Variants in SDK1 observed in about 807,000 individuals in gnomAD.
The protein encoded by SDK1 is sidekick cell adhesion molecule 1, also known as protein sidekick-1.
In SDK1, 157 loss-of-function variants were observed where a neutral mutation model predicts 245.5. The ratio of observed to expected loss-of-function variants is 0.64; its 90% CI spans 0.56 to 0.73. The LOEUF is 0.73. Ranked by LOEUF, SDK1 falls within the 30% of genes least tolerant of loss-of-function variation. The pLI, the probability that SDK1 is intolerant of heterozygous loss-of-function variation, is 0.00. For synonymous variants in SDK1, 1,647 were observed against 1,278.5 expected (o/e 1.29, Z -6.15); for missense variants, 3,583 against 3,002.3 (o/e 1.19, Z -4.52).
At chr7:4,247,010 G>C (rs1201383433) in intron 44 of SDK1, among the ~76,000 whole-genome samples, 1 of 152,202 alleles carries the variant, frequency 6.6e-6, no homozygotes, top group Non-Finnish European at 1.5e-5. Flanking sequence ...AGCAGAAGCA[G>C]CAATTGGAGA....
chr7:4,139,381 A>G (rs2128203825), intron 28 of SDK1, among the ~76,000 whole-genome samples: 1 of 149,970 alleles, frequency 6.7e-6, no homozygotes, highest in Non-Finnish European at 1.5e-5. Context: ...GTGTGTATAT[A>G]TGTACGTGTG....
intron 1 of SDK1, among the ~76,000 whole-genome samples, chr7:3,603,506 T>C (rs939085905): frequency 6.6e-6 from 1 of 151,830 alleles, no homozygotes; most frequent in African/African-American, 2.4e-5. Context: ...TGTATAAGAA[T>C]GCTTGTGATT....
chr7:4,107,944 A>G (rs1783052289), intron 22 of SDK1, among the ~76,000 whole-genome samples: 1 of 152,112 alleles, frequency 6.6e-6, no homozygotes, highest in Admixed American at 6.5e-5. Flanking sequence ...AGCTTCTTTC[A>G]GCGTAACATA....
intron 1 of SDK1, among the ~76,000 whole-genome samples, chr7:3,319,857 T>G (rs1272886827): frequency 6.9e-6 from 1 of 143,984 alleles, no homozygotes; most frequent in Admixed American, 7.1e-5. Flanking sequence ...TCCATTTGCC[T>G]ATATCTAACC....
chr7:3,746,565 G>A (rs1779627774), intron 4 of SDK1, among the ~76,000 whole-genome samples: 1 of 152,228 alleles, frequency 6.6e-6, no homozygotes, highest in African/African-American at 2.4e-5. Flanking sequence ...AGTATGTAAT[G>A]TTCTAAATCC....
At chr7:4,198,212 C>T (rs912547687) in intron 35 of SDK1, among the ~76,000 whole-genome samples, 2 of 152,194 alleles carry the variant, frequency 1.3e-5, no homozygotes, top group Non-Finnish European at 1.5e-5. Flanking sequence ...GTCACAGAAG[C>T]GCCACCTTCT....
chr7:4,146,249 TTTCGTGACACA>T (rs1562883302), intron 29 of SDK1, among the ~76,000 whole-genome samples: 5 of 149,218 alleles, frequency 3.4e-5, no homozygotes, highest in South Asian at 2.1e-4. Flanking sequence ...CATGTGAGCA[TTTCGTGACACA>T]CTTTCAGCCT....
chr7:3,644,582 A>C (rs1032786215), intron 4 of SDK1, among the ~76,000 whole-genome samples: 1 of 151,260 alleles, frequency 6.6e-6, no homozygotes, highest in African/African-American at 2.4e-5. Context: ...TGGGCAACAT[A>C]CTGAAACCTT....
chr7:3,639,253 G>A (rs1007352738), intron 3 of SDK1, 143 bp downstream of exon 3: 2 of 466,966 alleles, frequency 4.3e-6, no homozygotes, highest in Non-Finnish European at 7.7e-6. Context: ...AACTCAGTGA[G>A]AGATAAGTAA....
chr7:3,483,747 G>A (rs1781590132), intron 1 of SDK1, among the ~76,000 whole-genome samples: 3 of 152,014 alleles, frequency 2.0e-5, no homozygotes, highest in Non-Finnish European at 4.4e-5. Flanking sequence ...AGTACTATTA[G>A]ATGATATTTA....
rs1781397856 is a variant in SDK1, at chr7:3,477,959, G to A, written c.299-141121G>A. Among the ~76,000 whole-genome samples, 4 of 152,062 alleles carry A rather than the reference G, an allele frequency of 2.6e-5. No homozygotes were observed. The South Asian group carries it at 8.3e-4, about 32-fold the overall frequency. On this transcript the variant is annotated intron_variant, in intron 1 of 44. Transcript: ENST00000404826. ...GTCCTATGGTGTGTGTTAGAGATCTGCCTTTACTTTTTTTCCTAAACAGTT... is the reference window on the plus strand; with the variant it reads ...GTCCTATGGTGTGTGTTAGAGATCTACCTTTACTTTTTTTCCTAAACAGTT...
At chr7:4,074,876 C>G (rs1420428011) in intron 20 of SDK1, among the ~76,000 whole-genome samples, 9 of 93,890 alleles carry the variant, frequency 9.6e-5, no homozygotes, top group African/African-American at 4.8e-4. Context: ...CTCTCTCTCT[C>G]TCTCTCTCTG....
intron 5 of SDK1, among the ~76,000 whole-genome samples, chr7:3,934,267 T>C (rs1780082856): frequency 6.6e-6 from 1 of 152,218 alleles, no homozygotes; most frequent in South Asian, 2.1e-4. Context: ...CCCTCTTATT[T>C]ATCTCCTTTT....
chr7:3,455,126 G>A (rs1348838869), intron 1 of SDK1, among the ~76,000 whole-genome samples: 1 of 151,008 alleles, frequency 6.6e-6, no homozygotes, highest in Non-Finnish European at 1.5e-5. Context: ...TGTCCATTTT[G>A]TAATTGGATT....
chr7:3,943,601 G>A (rs1780459774), intron 5 of SDK1, among the ~76,000 whole-genome samples: 1 of 150,918 alleles, frequency 6.6e-6, no homozygotes, highest in Admixed American at 6.6e-5. Context: ...TCATTCGACC[G>A]CTCCCCAACC....
At chr7:4,171,804 C>T (rs950717292) in intron 32 of SDK1, among the ~76,000 whole-genome samples, 2 of 152,216 alleles carry the variant, frequency 1.3e-5, no homozygotes, top group African/African-American at 4.8e-5. Flanking sequence ...TGGTGGGCAG[C>T]GGGAGTCCTC....
intron 4 of SDK1, among the ~76,000 whole-genome samples, chr7:3,818,645 C>G (rs1162263468): frequency 6.6e-6 from 1 of 152,170 alleles, no homozygotes; most frequent in East Asian, 1.9e-4. Context: ...GACAGCAGCC[C>G]TAACTTATCA....
intron 44 of SDK1, among the ~76,000 whole-genome samples, chr7:4,259,220 G>C (rs914400242): frequency 6.6e-6 from 1 of 152,134 alleles, no homozygotes; most frequent in African/African-American, 2.4e-5. Context: ...GGGCAAATCA[G>C]CTGAGGTCAG....
intron 19 of SDK1, among the ~76,000 whole-genome samples, chr7:4,052,086 G>C (rs1303466533): frequency 1.3e-5 from 2 of 151,992 alleles, no homozygotes; most frequent in African/African-American, 4.8e-5. Context: ...TCAGGTTCCA[G>C]CTGTGTGGCC....
Sources: allele counts gnomAD v4.1 joint callset (sites outside exome capture counted in the v4.1 genomes callset), GRCh38; gene constraint gnomAD v4.1.1; transcripts MANE v1.5; gene names NCBI Gene and HGNC (gene_info 2026-07-23, HGNC 2026-07-21).